The following ITCH variants were observed in gnomAD, a reference collection of about 807,000 sequenced individuals.
ITCH encodes itchy E3 ubiquitin protein ligase, also known as E3 ubiquitin-protein ligase Itchy homolog.
A neutral mutation model predicts 126.8 loss-of-function variants in ITCH; 28 were observed. The ratio of observed to expected loss-of-function variants is 0.22; its 90% CI spans 0.16 to 0.30. ITCH has a LOEUF of 0.30. ITCH is among the 10% of genes least tolerant of loss of function. The pLI, the probability that ITCH is intolerant of heterozygous loss-of-function variation, is 1.00. For synonymous variants in ITCH, 342 were observed against 340.0 expected (o/e 1.01, Z -0.06); for missense variants, 631 against 1,032.4 (o/e 0.61, Z 5.33).
chr20:34,499,606 C>T (rs2146547059), intron 23 of ITCH, among the ~76,000 whole-genome samples: 1 of 129,430 alleles, frequency 7.7e-6, no homozygotes, highest in South Asian at 2.7e-4. Flanking sequence ...AATGGTTTGT[C>T]AATTTTGTTT....
At chr20:34,443,468 C>T (rs1035239268) in intron 10 of ITCH, among the ~76,000 whole-genome samples, 34 of 151,362 alleles carry the variant, frequency 2.2e-4, no homozygotes, top group Admixed American at 4.6e-4. Flanking sequence ...GATTGTGCCA[C>T]TGTACTCCAG....
chr20:34,472,351 G>C (rs1054072855), intron 16 of ITCH, among the ~76,000 whole-genome samples: 29 of 109,672 alleles, frequency 2.6e-4, no homozygotes, highest in African/African-American at 1.1e-3. Context: ...TGGGCAATAA[G>C]AGCAAAACTC....
At chr20:34,466,186 T>TC (rs397705631) in intron 14 of ITCH, 100 of 280,526 alleles carry the variant, frequency 3.6e-4, no homozygotes, top group South Asian at 9.8e-4. Context: ...TGTGATTTTT[T>TC]CCCCCCCTCA....
chr20:34,490,905 G>A (rs73257195), intron 22 of ITCH, among the ~76,000 whole-genome samples: 2,818 of 152,188 alleles, frequency 0.019, 81 homozygotes, highest in African/African-American at 0.055. Flanking sequence ...TTCATTTACC[G>A]ACACAAAATG....
intron 10 of ITCH, among the ~76,000 whole-genome samples, chr20:34,442,925 G>A (rs1367042431): frequency 3.3e-5 from 5 of 149,378 alleles, no homozygotes; most frequent in Admixed American, 6.7e-5. Context: ...GCAGTGAGCC[G>A]AGATCTCGCC....
chr20:34,462,949 G>A (rs73257176), intron 14 of ITCH, among the ~76,000 whole-genome samples: 2,986 of 152,204 alleles, frequency 0.02, 93 homozygotes, highest in African/African-American at 0.059. Flanking sequence ...ATTCCTTATT[G>A]AAGCTGAATA....
At chr20:34,476,075 C>T in intron 16 of ITCH, 1 of 1,102,814 alleles carries the variant, frequency 9.1e-7, no homozygotes, top group Non-Finnish European at 1.4e-6. Context: ...ATGTGATTCT[C>T]CTCATCAGTG....
chr20:34,505,721 A>G (rs1990581369), intron 24 of ITCH, among the ~76,000 whole-genome samples: 1 of 151,636 alleles, frequency 6.6e-6, no homozygotes, highest in South Asian at 2.1e-4. Context: ...ACGCATGGCT[A>G]ATTTTTGTAT....
chr20:34,493,741 C>T (rs1051554137), intron 23 of ITCH, among the ~76,000 whole-genome samples: 3 of 152,100 alleles, frequency 2.0e-5, no homozygotes, highest in African/African-American at 7.2e-5. Flanking sequence ...GCTGGACAAC[C>T]AAGTAGAAAA....
intron 1 of ITCH, among the ~76,000 whole-genome samples, chr20:34,368,494 CT>C (rs1255465617): frequency 6.6e-6 from 1 of 151,582 alleles, no homozygotes; most frequent in African/African-American, 2.4e-5. Context: ...GGCATGTTGA[CT>C]TTTATGGCTG....
chr20:34,495,921 TA>T (rs35357680), intron 23 of ITCH, among the ~76,000 whole-genome samples: 3,419 of 49,956 alleles, frequency 0.068, 55 homozygotes, highest in Non-Finnish European at 0.1. Flanking sequence ...CTGAAAATAC[TA>T]AAAAAAAAAA....
intron 16 of ITCH, chr20:34,476,358 C>T: frequency 3.0e-6 from 4 of 1,323,920 alleles, no homozygotes; most frequent in South Asian, 3.1e-5. Context: ...GTCCCCGGCT[C>T]CTCAGCAGGC....
intron 2 of ITCH, among the ~76,000 whole-genome samples, chr20:34,387,351 G>A (rs2038322186): frequency 6.6e-6 from 1 of 151,716 alleles, no homozygotes; most frequent in Non-Finnish European, 1.5e-5. Context: ...ACCCAGCTGG[G>A]CACAGTGGCT....
chr20:34,485,674 T>TA (rs988864093), intron 20 of ITCH, among the ~76,000 whole-genome samples: 2 of 152,046 alleles, frequency 1.3e-5, no homozygotes, highest in African/African-American at 4.8e-5. Flanking sequence ...TACCTTTTCT[T>TA]ACGATACGTC....
chr20:34,381,845 C>T (rs1311756929), intron 2 of ITCH, among the ~76,000 whole-genome samples: 2 of 143,996 alleles, frequency 1.4e-5, no homozygotes, highest in African/African-American at 2.6e-5. Context: ...GCTCTGTCAA[C>T]AGAGCAAGTC....
At chr20:34,448,741 T>C (rs1182138710) in intron 11 of ITCH, among the ~76,000 whole-genome samples, 1 of 152,230 alleles carries the variant, frequency 6.6e-6, no homozygotes, top group East Asian at 1.9e-4. Flanking sequence ...ACAGACTTAA[T>C]ATCTCTACAC....
rs140631240 is a variant in ITCH at position 34,459,289 on chromosome 20, A to G, written c.1295+1815A>G. 1.6e-4 allele frequency among the ~76,000 whole-genome samples: 25 copies of G among 152,318 alleles called. No homozygotes were observed. In the East Asian group the frequency reaches 4.8e-3, roughly 29 times the overall value. On this transcript the variant is annotated intron_variant, in intron 13 of 24. Transcript: ENST00000374864. ...TGAACATCCAGCATTATTGTGGGAC[A>G]GTACACATTGAGGTCGAGTATCACC...
chr20:34,415,525 TC>T (rs1979708079), intron 6 of ITCH, among the ~76,000 whole-genome samples: 2 of 151,952 alleles, frequency 1.3e-5, no homozygotes, highest in East Asian at 3.9e-4. Flanking sequence ...CCACTGCACT[TC>T]CAGCCTGGGT....
intron 6 of ITCH, among the ~76,000 whole-genome samples, chr20:34,415,738 A>T (rs1032370761): frequency 2.6e-5 from 4 of 152,232 alleles, no homozygotes; most frequent in African/African-American, 9.6e-5. Flanking sequence ...TGGAAGATAA[A>T]ATACAAGTTA....
Sources: allele counts gnomAD v4.1 joint callset (sites outside exome capture counted in the v4.1 genomes callset), GRCh38; gene constraint gnomAD v4.1.1; transcripts MANE v1.5; gene names NCBI Gene and HGNC (gene_info 2026-07-23, HGNC 2026-07-21).